Variants in DMD observed in about 807,000 individuals in gnomAD.
DMD encodes mutant dystrophin.
Under a neutral mutation model 330.1 loss-of-function variants are expected in DMD, and 63 were observed. That is an observed-to-expected ratio of 0.19 (90% CI 0.16 to 0.24). The LOEUF is 0.24. DMD is among the 10% of genes least tolerant of loss of function. DMD has a pLI of 1.00. For missense variants in DMD, 3,344 were observed against 2,684.1 expected (o/e 1.25, Z -5.43); for synonymous variants, 1,223 against 959.8 (o/e 1.27, Z -5.07).
At chrX:31,904,289 G>T (rs2094454307) in intron 47 of DMD, among the ~76,000 whole-genome samples, 1 of 111,593 alleles carries the variant, frequency 9.0e-6, no homozygotes, top group South Asian at 3.7e-4. Context: ...CAGAGTATTA[G>T]CTGCATTTTC....
At chrX:32,101,379 C>G (rs2096538922) in intron 44 of DMD, among the ~76,000 whole-genome samples, 1 of 111,180 alleles carries the variant, frequency 9.0e-6, no homozygotes, top group Admixed American at 9.6e-5. Flanking sequence ...AGCTCGGAAA[C>G]CTCACACAGG....
At chrX:32,826,221 CTT>C (rs1217245199) in intron 4 of DMD, among the ~76,000 whole-genome samples, 1 of 111,707 alleles carries the variant, frequency 9.0e-6, no homozygotes, top group Non-Finnish European at 1.9e-5. Context: ...AAAAAGGAAT[CTT>C]TGCACAGTGT....
chrX:32,594,630 T>A (rs1307778800), intron 13 of DMD, among the ~76,000 whole-genome samples: 1 of 111,582 alleles, frequency 9.0e-6, no homozygotes, highest in East Asian at 2.8e-4. Flanking sequence ...AGAATTATAA[T>A]ATACCCAGGG....
chrX:32,074,473 C>T (rs933748288), intron 44 of DMD, among the ~76,000 whole-genome samples: 7 of 111,863 alleles, frequency 6.3e-5, no homozygotes, highest in Non-Finnish European at 1.3e-4. Context: ...TGCCTGTGTG[C>T]GTATGGCACA....
At chrX:32,785,655 G>A (rs1412676855) in intron 7 of DMD, among the ~76,000 whole-genome samples, 1 of 111,151 alleles carries the variant, frequency 9.0e-6, no homozygotes, top group Non-Finnish European at 1.9e-5. Context: ...TTTTACTTAG[G>A]TTATAACAAT....
chrX:31,987,070 A>G (rs951320881), intron 44 of DMD, among the ~76,000 whole-genome samples: 1 of 112,122 alleles, frequency 8.9e-6, no homozygotes, highest in Non-Finnish European at 1.9e-5. Flanking sequence ...TCTGTTTACC[A>G]TCTAGCTGTA....
chrX:31,259,586 T>C (rs970584283), intron 63 of DMD, among the ~76,000 whole-genome samples: 2 of 111,959 alleles, frequency 1.8e-5, no homozygotes, highest in African/African-American at 6.5e-5. Context: ...TGAAATGACA[T>C]AATATTACTC....
Position 31,428,860 on chromosome X carries a change from T to C in DMD, c.9084+15621A>G, listed in dbSNP as rs748497923. 1.9e-4 allele frequency among the ~76,000 whole-genome samples: 21 copies of C among 112,300 alleles called. No individual in the cohort carries two copies. The East Asian group carries it at 2.5e-3, about 14-fold the overall frequency. ...ATATTAGGCCGGGAGTGGTGGCTCA[T>C]GCCTGTAATCCCAGCACTTGGGAGG... On this transcript the variant is annotated intron_variant, in intron 60 of 78. Transcript: ENST00000357033.
At chrX:31,511,321 T>C (rs901703131) in intron 55 of DMD, among the ~76,000 whole-genome samples, 1 of 88,760 alleles carries the variant, frequency 1.1e-5, no homozygotes, top group Admixed American at 1.3e-4. Flanking sequence ...TTTTTATTTA[T>C]TTATTTATTT....
chrX:32,501,613 G>T, intron 19 of DMD, 142 bp downstream of exon 19: 1 of 491,007 alleles, frequency 2.0e-6, no homozygotes, highest in South Asian at 3.3e-5. Context: ...ATTAAAAAAA[G>T]AATAATAAAA....
At chrX:32,271,558 G>C (rs1257446150) in intron 43 of DMD, among the ~76,000 whole-genome samples, 1 of 112,802 alleles carries the variant, frequency 8.9e-6, no homozygotes, top group East Asian at 2.8e-4. Context: ...CTTTCATAGG[G>C]TAAACAGATT....
Position 31,910,942 on chromosome X carries a change from G to A in DMD, c.6912+18654C>T, listed in dbSNP as rs757408850. 4.5e-5 allele frequency among the ~76,000 whole-genome samples: 5 copies of A among 112,357 alleles called. No individual in the cohort carries two copies. In the Admixed American group the frequency reaches 4.7e-4, roughly 11 times the overall value. On this transcript the variant is annotated intron_variant, in intron 47 of 78. Coordinates refer to ENST00000357033, the MANE Select transcript of DMD (RefSeq NM_004006.3). ...CAGGGCTAAAGGAGAAATTTATCAA[G>A]GAACTGTTTCCCTTACTAAATCCAC...
chrX:32,013,686 T>C (rs1375773124), intron 44 of DMD, among the ~76,000 whole-genome samples: 2 of 112,062 alleles, frequency 1.8e-5, no homozygotes, highest in East Asian at 5.6e-4. Context: ...GATCCTGATG[T>C]CTATGAAATG....
intron 44 of DMD, among the ~76,000 whole-genome samples, chrX:32,082,377 C>T (rs1372446330): frequency 9.6e-6 from 1 of 103,834 alleles, no homozygotes; most frequent in Non-Finnish European, 2.0e-5. Context: ...TACAGGGGCA[C>T]ACTACCTCGC....
intron 44 of DMD, among the ~76,000 whole-genome samples, chrX:32,091,865 G>T (rs1261259160): frequency 9.0e-6 from 1 of 111,180 alleles, no homozygotes; most frequent in Non-Finnish European, 1.9e-5. Flanking sequence ...GGGCTTGGGG[G>T]TTTATTAATA....
chrX:32,448,315 A>G, intron 27 of DMD, 141 bp downstream of exon 27: 1 of 608,933 alleles, frequency 1.6e-6, no homozygotes, highest in Admixed American at 2.8e-5. Flanking sequence ...AAATGGCCCA[A>G]AGTCATACAA....
At chrX:32,560,608 G>C (rs898356330) in intron 16 of DMD, among the ~76,000 whole-genome samples, 4 of 110,794 alleles carry the variant, frequency 3.6e-5, no homozygotes, top group African/African-American at 9.9e-5. Flanking sequence ...CCCAGCAACA[G>C]GCCCCAGTGT....
chrX:31,341,887 G>GCACACACACACA (rs1569529198), intron 61 of DMD, among the ~76,000 whole-genome samples: 2 of 67,288 alleles, frequency 3.0e-5, no homozygotes, highest in Non-Finnish European at 5.9e-5. Flanking sequence ...GTGCGTGCGC[G>GCACACACACACA]CGCGCACACA....
At chrX:31,836,961 G>T in intron 48 of DMD, 142 bp from the exon 49 acceptor site, 2 of 490,611 alleles carry the variant, frequency 4.1e-6, no homozygotes, top group Admixed American at 6.8e-5. Context: ...TGTAGCTTTT[G>T]GTGCAGAGAA....
Sources: allele counts gnomAD v4.1 joint callset (sites outside exome capture counted in the v4.1 genomes callset), GRCh38; gene constraint gnomAD v4.1.1; transcripts MANE v1.5; gene names NCBI Gene and HGNC (gene_info 2026-07-23, HGNC 2026-07-21).